MFHAS1: variants seen among roughly 807,000 people sequenced by gnomAD.
MFHAS1 encodes malignant fibrous histiocytoma-amplified sequence 1.
In MFHAS1, 50 loss-of-function variants were observed where a neutral mutation model predicts 70.4. The observed-to-expected ratio is 0.71, with a 90% confidence interval of 0.57 to 0.90. The LOEUF is 0.90. MFHAS1 is among the 40% of genes least tolerant of loss of function. The probability of loss-of-function intolerance (pLI) is 0.00; values close to 1 mark genes in which losing one functional copy is unlikely to be tolerated. For missense variants in MFHAS1, 1,795 were observed against 1,347.6 expected (o/e 1.33, Z -5.20); for synonymous variants, 952 against 620.0 (o/e 1.54, Z -7.96).
chr8:8,861,596 G>A (rs554890652), intron 1 of MFHAS1, among the ~76,000 whole-genome samples: 4 of 152,246 alleles, frequency 2.6e-5, no homozygotes, highest in South Asian at 4.1e-4. Context: ...GGCATTTTAC[G>A]TGTAATAAAA....
intron 1 of MFHAS1, among the ~76,000 whole-genome samples, chr8:8,822,606 T>C (rs565113979): frequency 2.5e-5 from 3 of 122,098 alleles, no homozygotes; most frequent in African/African-American, 6.5e-5. Flanking sequence ...GGGAATGAGA[T>C]GGAGACAGGG....
intron 1 of MFHAS1, among the ~76,000 whole-genome samples, chr8:8,831,755 T>A (rs974557802): frequency 2.6e-5 from 4 of 151,994 alleles, no homozygotes; most frequent in Non-Finnish European, 5.9e-5. Context: ...ATTACAGGCA[T>A]GCGCCACCAC....
At chr8:8,810,089 G>C (rs73201853) in intron 1 of MFHAS1, among the ~76,000 whole-genome samples, 17,435 of 152,228 alleles carry the variant, frequency 0.11, 1,288 homozygotes, top group African/African-American at 0.2. Flanking sequence ...AAGCCAGGCC[G>C]GGCGCAGTGG....
At chr8:8,792,633 A>C (rs534157140) in intron 2 of MFHAS1, among the ~76,000 whole-genome samples, 1 of 152,148 alleles carries the variant, frequency 6.6e-6, no homozygotes, top group Non-Finnish European at 1.5e-5. Flanking sequence ...AACAAACCAA[A>C]AAAAACTTAC....
At position 8,890,220 on chromosome 8, in the gene MFHAS1, C is replaced by G. The variant is rs1051802334; in HGVS notation, c.2839G>C (p.Ala947Pro). Reference sequence around the variant, plus strand: ...GCGGTCCATATATTTGGTAATGATGCATGGCTAGCAATGGACAGGGTGTCT... The same window carrying G: ...GCGGTCCATATATTTGGTAATGATGGATGGCTAGCAATGGACAGGGTGTCT... Reference protein sequence around the residue: ...QPDTLSIASHASLPNIWTAWQ... With the variant: ...QPDTLSIASHPSLPNIWTAWQ... Residue 947 changes from alanine (A) to proline (P), a missense_variant, in exon 1 of 3, where the codon GCA becomes CCA. Physicochemically the swap from Ala to Pro is conservative, Grantham distance 27. Coordinates refer to ENST00000276282, the MANE Select transcript of MFHAS1 (RefSeq NM_004225.3). 2 of 1,614,042 alleles carry G rather than the reference C, an allele frequency of 1.2e-6. No homozygotes were observed. The highest frequency in any genetic ancestry group is 2.7e-5 in the African/African-American group (2 of 74,926).
intron 1 of MFHAS1, among the ~76,000 whole-genome samples, chr8:8,812,501 A>G (rs1295390964): frequency 6.6e-6 from 1 of 152,158 alleles, no homozygotes; most frequent in Non-Finnish European, 1.5e-5. Context: ...TGGGGCAATG[A>G]CAGGGCTTGC....
In MFHAS1 at chr8:8,891,819, G is replaced by T; in HGVS notation, c.1240C>A (p.Leu414Met). ...TTTCCTGCAGCCTTATGCCCCATCA[G>T]GAGCAGCTTGAGCCGGGGCTGCACC... ...PAVQPRLKLL[L>M]MGHKAAGKTL... Residue 414 changes from leucine (L) to methionine (M), a missense_variant, in exon 1 of 3, where the codon CTG becomes ATG. Physicochemically the swap from Leu to Met is conservative, Grantham distance 15 (BLOSUM62 2). Coordinates refer to ENST00000276282, the MANE Select transcript of MFHAS1 (RefSeq NM_004225.3). This position sits in a 1 kb window ranked among gnomAD's most constrained non-coding sequence, Gnocchi z 5.4. 1 of 1,613,312 alleles carries T rather than the reference G, an allele frequency of 6.2e-7. No individual in the cohort carries two copies. The highest frequency in any genetic ancestry group is 8.5e-7 in the Non-Finnish European group (1 of 1,179,976).
intron 1 of MFHAS1, among the ~76,000 whole-genome samples, chr8:8,882,443 T>G (rs1809564776): frequency 6.6e-6 from 1 of 151,104 alleles, no homozygotes; most frequent in Admixed American, 6.6e-5. Flanking sequence ...AAAAAGCACT[T>G]GCCAGGCATC....
chr8:8,858,565 C>T (rs1013840702), intron 1 of MFHAS1, among the ~76,000 whole-genome samples: 3 of 152,038 alleles, frequency 2.0e-5, no homozygotes, highest in African/African-American at 7.2e-5. Context: ...AAAAATATGC[C>T]TTTTGGGGGA....
At chr8:8,846,415 A>G (rs1489634116) in intron 1 of MFHAS1, among the ~76,000 whole-genome samples, 2 of 151,890 alleles carry the variant, frequency 1.3e-5, no homozygotes, top group African/African-American at 4.8e-5. Context: ...CACTGCTACT[A>G]TGCAAGTCCA....
intron 1 of MFHAS1, among the ~76,000 whole-genome samples, chr8:8,802,890 G>C (rs1049460030): frequency 2.6e-5 from 4 of 152,228 alleles, no homozygotes; most frequent in African/African-American, 9.6e-5. Flanking sequence ...GGGAAGGCAG[G>C]TGGAACATCC....
At chr8:8,797,340 G>A (rs1018536886) in intron 2 of MFHAS1, 25 bp downstream of exon 2, 27 of 1,611,564 alleles carry the variant, frequency 1.7e-5, no homozygotes, top group Non-Finnish European at 2.2e-5. Context: ...CAGGTCCCGG[G>A]GCCAGAGGGA....
intron 1 of MFHAS1, among the ~76,000 whole-genome samples, chr8:8,823,713 T>G (rs2117308341): frequency 6.7e-6 from 1 of 149,562 alleles, no homozygotes; most frequent in South Asian, 2.3e-4. Flanking sequence ...ACACAGGTAA[T>G]GAACCCACAG....
At chr8:8,807,167 A>C (rs1806320542) in intron 1 of MFHAS1, among the ~76,000 whole-genome samples, 2 of 152,100 alleles carry the variant, frequency 1.3e-5, no homozygotes, top group African/African-American at 4.8e-5. Context: ...CCAAACCACA[A>C]GGGCAGGGAC....
chr8:8,823,064 C>T (rs942945706), intron 1 of MFHAS1, among the ~76,000 whole-genome samples: 1 of 152,128 alleles, frequency 6.6e-6, no homozygotes, highest in East Asian at 1.9e-4. Context: ...AATTCTAGTC[C>T]ATACAGAGAT....
At chr8:8,817,135 G>A (rs548738477) in intron 1 of MFHAS1, among the ~76,000 whole-genome samples, 8 of 152,162 alleles carry the variant, frequency 5.3e-5, no homozygotes, top group South Asian at 4.2e-4. Flanking sequence ...GGCAGACTCC[G>A]AAAACTAGCT....
chr8:8,837,265 T>G (rs1465998429), intron 1 of MFHAS1, among the ~76,000 whole-genome samples: 1 of 152,192 alleles, frequency 6.6e-6, no homozygotes, highest in East Asian at 1.9e-4. Context: ...CTTGCTGGGC[T>G]TTCAAGTCCA....
At chr8:8,861,740 C>G (rs1459410414) in intron 1 of MFHAS1, among the ~76,000 whole-genome samples, 1 of 152,184 alleles carries the variant, frequency 6.6e-6, no homozygotes, top group Admixed American at 6.5e-5. Flanking sequence ...AAATCCCTTC[C>G]CCATACCACC....
intron 1 of MFHAS1, among the ~76,000 whole-genome samples, chr8:8,849,064 C>CTTTTTTTTTTTTTTTTTTTTTTTTTTTT (rs145250762): frequency 1.3e-5 from 1 of 75,772 alleles, no homozygotes; most frequent in African/African-American, 4.8e-5. Flanking sequence ...TCCTTTTTAC[C>CTTTTTTTTTTTTTTTTTTTTTTTTTTTT]TTTTTTTTTT....
Sources: allele counts gnomAD v4.1 joint callset (sites outside exome capture counted in the v4.1 genomes callset), GRCh38; gene constraint gnomAD v4.1.1; non-coding constraint Gnocchi (gnomAD v3.1); transcripts MANE v1.5; gene names NCBI Gene and HGNC (gene_info 2026-07-23, HGNC 2026-07-21).